Variants in SYTL4 observed in about 807,000 individuals in gnomAD.
SYTL4 encodes the protein synaptotagmin-like protein 4.
SYTL4 carries 16 observed loss-of-function variants against 52.7 expected under a neutral mutation model. That is an observed-to-expected ratio of 0.30 (90% CI 0.21 to 0.46). The LOEUF (loss-of-function observed/expected upper bound fraction) is 0.46, where lower values mean the gene tolerates loss of function less well. Among genes scored for constraint, SYTL4 ranks in the 20% least tolerant of loss-of-function variants. The probability of loss-of-function intolerance (pLI) is 1.00; values close to 1 mark genes in which losing one functional copy is unlikely to be tolerated. For synonymous variants in SYTL4, 160 were observed against 186.6 expected, an observed-to-expected ratio of 0.86 and a Z score of 1.16; for missense variants, 423 against 519.9, an observed-to-expected ratio of 0.81 and a Z score of 1.81.
rs775260521 is a variant in SYTL4, at chrX:100,687,240, C to T, written c.1011G>A (p.Thr337=). The T allele has an allele frequency of 9.9e-6, 12 of 1,208,111 alleles. No homozygotes were observed. Among genetic ancestry groups the T allele is most frequent in the Admixed American group, 2.2e-5 (1 of 45,682 alleles). ...SSMQSGSSMS[T]IGSMMSIYSE... is the part of the protein sequence containing the mutation. ...TGTAGATGCTCATCATGCTGCCGAT[C>T]GTACTCTGAAGATAAAGCACCCACG... Residue 337 remains threonine (T), a synonymous_variant, in exon 14 of 20, where the codon ACG becomes ACA. Coordinates refer to ENST00000372989, the MANE Select transcript of SYTL4 (RefSeq NM_001370165.1).
intron 16 of SYTL4, among the ~76,000 whole-genome samples, chrX:100,683,830 T>G (rs1227138288): frequency 8.9e-6 from 1 of 112,145 alleles, no homozygotes; most frequent in African/African-American, 3.2e-5. Flanking sequence ...CTGGCATATT[T>G]GTTTTAGTAG....
intron 2 of SYTL4, among the ~76,000 whole-genome samples, chrX:100,719,690 G>A (rs1177234216): frequency 3.7e-5 from 4 of 108,318 alleles, no homozygotes; most frequent in African/African-American, 1.3e-4. Flanking sequence ...GGGGGTGGGG[G>A]TGGGCAGCAG....
In SYTL4 at chrX:100,676,116, C is replaced by T; in HGVS notation, c.1928G>A (p.Trp643Ter). The T allele has an allele frequency of 8.3e-7, 1 of 1,210,829 alleles. No homozygotes were observed. The highest frequency in any genetic ancestry group is 1.1e-6 in the Non-Finnish European group (1 of 895,152). The change falls in exon 20 of 20, where the codon TGG (tryptophan) becomes TAG (stop). Residue 643 changes from tryptophan to a stop codon, truncating the protein, a stop_gained. Coordinates refer to ENST00000372989, the MANE Select transcript of SYTL4 (RefSeq NM_001370165.1). LOFTEE classifies it high-confidence loss of function. ...CCCTGGGTACTGTCGCATCTTCTGC[C>T]ACAGGCTCACTTCTTCCCCAGTCGA... ...MDSTGEEVSL[W>*]QKMRQYPGSW...
chrX:100,698,163 A>C lies in SYTL4; in HGVS notation c.539+2734T>G, dbSNP rs186120914. The stretch of plus-strand genomic sequence containing the variant: ...TGTTGCCCAGGCTGGAGTGCAGTGG[A>C]GCAATCTTGGCTCAGTGCAAGCTCC... On this transcript the variant is annotated intron_variant, in intron 8 of 19. Coordinates refer to ENST00000372989, the MANE Select transcript of SYTL4 (RefSeq NM_001370165.1). Among the ~76,000 whole-genome samples, 846 of 109,579 alleles carry C rather than the reference A, an allele frequency of 7.7e-3. 60 individuals carry two copies. In the East Asian group the frequency reaches 0.13, roughly 17 times the overall value.
chrX:100,698,917 G>C (rs1037968887), intron 8 of SYTL4, among the ~76,000 whole-genome samples: 5 of 112,286 alleles, frequency 4.5e-5, no homozygotes, highest in Non-Finnish European at 9.4e-5. Flanking sequence ...AAAATAATTT[G>C]AGTAACAAAT....
At chrX:100,724,872 AAG>A (rs2084479799) in intron 2 of SYTL4, among the ~76,000 whole-genome samples, 1 of 105,219 alleles carries the variant, frequency 9.5e-6, no homozygotes, top group Non-Finnish European at 2.0e-5. Context: ...GATCAATAAA[AAG>A]AAAAAAGAAA....
intron 8 of SYTL4, among the ~76,000 whole-genome samples, chrX:100,697,532 G>A (rs1180163570): frequency 1.8e-5 from 2 of 111,805 alleles, no homozygotes; most frequent in Non-Finnish European, 3.8e-5. Flanking sequence ...CAATTTGCAA[G>A]ATGGATGAAG....
intron 2 of SYTL4, among the ~76,000 whole-genome samples, chrX:100,716,314 T>A (rs1331021811): frequency 9.5e-6 from 1 of 105,704 alleles, no homozygotes; most frequent in East Asian, 3.0e-4. Flanking sequence ...CCTGGCATGG[T>A]GGTGCATGCC....
chrX:100,721,398 AAAT>A (rs777517020), intron 2 of SYTL4, among the ~76,000 whole-genome samples: 2 of 111,868 alleles, frequency 1.8e-5, no homozygotes, highest in East Asian at 5.6e-4. Flanking sequence ...TAGTTTATAA[AAAT>A]AATCTCCCCC....
intron 16 of SYTL4, among the ~76,000 whole-genome samples, 176 bp from the exon 17 acceptor site, chrX:100,681,511 G>A (rs2083374980): frequency 9.0e-6 from 1 of 111,579 alleles, no homozygotes; most frequent in Non-Finnish European, 1.9e-5. Flanking sequence ...GGTTTCTATG[G>A]CAGTTTCTTT....
chrX:100,698,569 G>A (rs1429367992), intron 8 of SYTL4, among the ~76,000 whole-genome samples: 1 of 111,927 alleles, frequency 8.9e-6, no homozygotes, highest in Non-Finnish European at 1.9e-5. Flanking sequence ...AGAAGACAAT[G>A]GAACAATGTC....
intron 4 of SYTL4, among the ~76,000 whole-genome samples, 177 bp from the exon 5 acceptor site, chrX:100,702,284 T>C (rs1180293852): frequency 2.7e-5 from 3 of 111,235 alleles, no homozygotes; most frequent in Non-Finnish European, 5.7e-5. Context: ...AAATGAAGAG[T>C]CCTTGATTTT....
rs796070076 is a variant in SYTL4 at position 100,724,213 on chromosome X, C to T, written c.-240+7205G>A. On this transcript the variant is annotated intron_variant, in intron 2 of 19. Coordinates refer to ENST00000372989, the MANE Select transcript of SYTL4 (RefSeq NM_001370165.1). Reference sequence around the variant, plus strand: ...GAGGTGGGGGGGTCATCAGCTCCCCCGCCCGGCCAGCCGCCCCGTCCAGGA... The same window carrying T: ...GAGGTGGGGGGGTCATCAGCTCCCCTGCCCGGCCAGCCGCCCCGTCCAGGA... Among the ~76,000 whole-genome samples the T allele has an allele frequency of 9.9e-3, 1,009 of 102,399 alleles. 23 individuals carry two copies. The highest frequency in any genetic ancestry group is 0.072 in the South Asian group (150 of 2,072). 88.9% of individuals were successfully genotyped at this position (102,399 alleles called of 115,157 possible).
chrX:100,675,889 TACACATACACACACAC>T lies in SYTL4; in HGVS notation c.*123_*138del. ...GAGATTTGCAGAAAATACATGTTTGTACACATACACACACACACACACACACACACATACACACATA... is the reference window on the plus strand; with the variant it reads ...GAGATTTGCAGAAAATACATGTTTGTACACACACACACACATACACACATA... On this transcript the variant is annotated 3_prime_UTR_variant, in exon 20 of 20. Coordinates refer to ENST00000372989, the MANE Select transcript of SYTL4 (RefSeq NM_001370165.1). 2.5e-6 allele frequency: 1 copy of T among 407,881 alleles called. No individual in the cohort carries two copies. 33.6% of individuals were successfully genotyped at this position (407,881 alleles called of 1,213,427 possible). A position where few individuals can be genotyped will look rare whatever the true frequency, so the allele number is the denominator to read the frequency against.
In SYTL4 at chrX:100,678,394, T is replaced by G. The variant is rs1480294319; in HGVS notation, c.1864A>C (p.Thr622Pro). The G allele has an allele frequency of 4.1e-6, 5 of 1,206,128 alleles. No homozygotes were observed. Among genetic ancestry groups the G allele is most frequent in the Non-Finnish European group, 5.6e-6 (5 of 890,800 alleles). ...AGGATGGGGGAGGGGATCTCACCAG[T>G]GCCAACACCCAGCCTGACCCCTCCC... ...FLGGVRLGVG[T>P]GISNGEVVDW... is the part of the protein sequence containing the mutation. The change falls in exon 19 of 20, where the codon ACT (threonine) becomes CCT (proline). Residue 622 changes from threonine to proline, a missense_variant. Physicochemically the swap from Thr to Pro is conservative, Grantham distance 38. Transcript: ENST00000372989.
intron 17 of SYTL4, 70 bp from the exon 18 acceptor site, chrX:100,679,482 C>T: frequency 1.1e-6 from 1 of 887,362 alleles, no homozygotes; most frequent in Admixed American, 2.3e-5. Context: ...TTTGTTTATG[C>T]AGCACTTTCT....
chrX:100,681,168 C>T, intron 17 of SYTL4, 59 bp downstream of exon 17: 1 of 1,013,225 alleles, frequency 9.9e-7, no homozygotes. Context: ...CCAGCACCGG[C>T]CTTGCACAGA....
At chrX:100,689,998 ATTC>A (rs751352352) in intron 11 of SYTL4, 39 bp from the exon 12 acceptor site, 3 of 1,146,296 alleles carry the variant, frequency 2.6e-6, no homozygotes, top group Non-Finnish European at 3.6e-6. Context: ...AAAGAGACCT[ATTC>A]TTCTCCATAC....
Position 100,702,070 on chromosome X carries a change from C to G in SYTL4, c.-33G>C. Reference sequence around the variant, plus strand: ...TCAACTTTTTCTTCTACTCTTCTTTCTTCAAAACAACCAGACAAGGAGAGC... The same window carrying G: ...TCAACTTTTTCTTCTACTCTTCTTTGTTCAAAACAACCAGACAAGGAGAGC... On this transcript the variant is annotated 5_prime_UTR_variant, in exon 5 of 20. Coordinates refer to ENST00000372989, the MANE Select transcript of SYTL4 (RefSeq NM_001370165.1). 1 of 1,053,174 alleles carries G rather than the reference C, an allele frequency of 9.5e-7. No homozygotes were observed. The allele number at this position is 1,053,174 out of a possible 1,213,427, so 86.8% of individuals were successfully genotyped here. A position where few individuals can be genotyped will look rare whatever the true frequency, so the allele number is the denominator to read the frequency against.
Sources: allele counts gnomAD v4.1 joint callset (sites outside exome capture counted in the v4.1 genomes callset), GRCh38; gene constraint gnomAD v4.1.1; transcripts MANE v1.5; gene names NCBI Gene and HGNC (gene_info 2026-07-23, HGNC 2026-07-21).